Variants in LSM14A observed in about 807,000 individuals in gnomAD.
LSM14A encodes the protein protein LSM14 homolog A.
A neutral mutation model predicts 52.4 loss-of-function variants in LSM14A; 14 were observed. That is an observed-to-expected ratio of 0.27 (90% CI 0.18 to 0.42). The LOEUF is 0.42. LSM14A is among the 10% of genes least tolerant of loss of function. The pLI, the probability that LSM14A is intolerant of heterozygous loss-of-function variation, is 1.00. For missense variants in LSM14A, 417 were observed against 581.8 expected (o/e 0.72, Z 2.91); for synonymous variants, 185 against 200.3 (o/e 0.92, Z 0.64).
At chr19:34,215,069 A>G (rs754597570) in intron 4 of LSM14A, 55 bp from the exon 5 acceptor site, 41 of 1,439,572 alleles carry the variant, frequency 2.8e-5, no homozygotes, top group Middle Eastern at 4.9e-4. Context: ...TTTAGGGTCT[A>G]GATTATTTTG....
intron 6 of LSM14A, among the ~76,000 whole-genome samples, chr19:34,218,735 C>A (rs567813489): frequency 6.6e-6 from 1 of 152,098 alleles, no homozygotes; most frequent in African/African-American, 2.4e-5. Context: ...TTATGATTGG[C>A]TGAAATTTTA....
At chr19:34,204,066 T>C (rs1463711740) in intron 3 of LSM14A, among the ~76,000 whole-genome samples, 1 of 152,176 alleles carries the variant, frequency 6.6e-6, no homozygotes, top group African/African-American at 2.4e-5. Flanking sequence ...CAGGATTTCT[T>C]CCAGAGGTAA....
Position 34,215,645 on chromosome 19 carries a change from TAAC to T in LSM14A, c.768_770del (p.Asn256del). On this transcript the variant is annotated inframe_deletion, in exon 6 of 10. Transcript: ENST00000544216. ...CAGAAAATGAGCAACTCAGAAATGA[TAAC>T]AAGAGACAAGTAGGTAAGTTCTTGG... 1.2e-6 allele frequency: 2 copies of T among 1,612,696 alleles called. No homozygotes were observed. Among genetic ancestry groups the T allele is most frequent in the African/African-American group, 1.3e-5 (1 of 74,958 alleles).
intron 1 of LSM14A, among the ~76,000 whole-genome samples, chr19:34,192,522 G>A (rs1302878966): frequency 2.0e-5 from 3 of 148,178 alleles, no homozygotes; most frequent in Non-Finnish European, 4.5e-5. Context: ...TAGAGATGGG[G>A]TTTCACCATT....
chr19:34,209,717 A>C (rs1036999380), intron 4 of LSM14A, among the ~76,000 whole-genome samples: 1 of 151,772 alleles, frequency 6.6e-6, no homozygotes. Flanking sequence ...TTATTTACTT[A>C]TTAGAGATGA....
In LSM14A at chr19:34,225,943, T is replaced by TC. The variant is rs1446213200; in HGVS notation, c.1369-1419dup. 5.9e-5 allele frequency among the ~76,000 whole-genome samples: 9 copies of TC among 152,052 alleles called. No homozygotes were observed. The East Asian group carries it at 1.7e-3, about 29-fold the overall frequency. On this transcript the variant is annotated intron_variant, in intron 9 of 9. Transcript: ENST00000544216. ...CTGGAGTGGTGGCACATGCCTGTAG[T>TC]CCCAGCTACTCAGGAGGCTAAGGCA...
intron 6 of LSM14A, among the ~76,000 whole-genome samples, chr19:34,218,532 G>T (rs2072840490): frequency 6.6e-6 from 1 of 152,104 alleles, no homozygotes; most frequent in South Asian, 2.1e-4. Context: ...TCTCATCCTT[G>T]TCAGTATGTG....
intron 6 of LSM14A, among the ~76,000 whole-genome samples, 196 bp from the exon 7 acceptor site, chr19:34,219,195 T>G (rs949145324): frequency 6.6e-6 from 1 of 152,200 alleles, no homozygotes; most frequent in African/African-American, 2.4e-5. Flanking sequence ...TGAGCTATTC[T>G]CAGTCTACAT....
intron 1 of LSM14A, 70 bp downstream of exon 1, chr19:34,172,833 C>A: frequency 6.8e-7 from 1 of 1,468,348 alleles, no homozygotes; most frequent in Non-Finnish European, 9.0e-7. Context: ...CGCTCCGGCC[C>A]GCGGCCTCCT....
intron 1 of LSM14A, among the ~76,000 whole-genome samples, chr19:34,189,343 A>C (rs1263229024): frequency 6.6e-6 from 1 of 152,194 alleles, no homozygotes; most frequent in Non-Finnish European, 1.5e-5. Context: ...TGGACCTTCA[A>C]ATCCAATTCA....
intron 1 of LSM14A, among the ~76,000 whole-genome samples, chr19:34,191,793 CTTTA>C (rs1407789614): frequency 2.0e-5 from 3 of 152,250 alleles, no homozygotes; most frequent in Admixed American, 1.3e-4. Context: ...AAGCATGAGA[CTTTA>C]TTTGTTTTGA....
chr19:34,200,336 AAG>A (rs536636885), intron 3 of LSM14A, among the ~76,000 whole-genome samples: 40 of 152,332 alleles, frequency 2.6e-4, no homozygotes, highest in African/African-American at 9.4e-4. Flanking sequence ...AGGGGAGAAA[AAG>A]AAAACTTAAA....
chr19:34,185,617 G>GC (rs1213679826), intron 1 of LSM14A, among the ~76,000 whole-genome samples: 3 of 152,178 alleles, frequency 2.0e-5, no homozygotes, highest in Non-Finnish European at 2.9e-5. Flanking sequence ...CAGGGCCTGA[G>GC]CAAGAGTACT....
At chr19:34,217,984 A>T (rs946474570) in intron 6 of LSM14A, among the ~76,000 whole-genome samples, 4 of 137,254 alleles carry the variant, frequency 2.9e-5, no homozygotes, top group Non-Finnish European at 6.2e-5. Context: ...AGACATCTAT[A>T]CCCAAAACCT....
intron 1 of LSM14A, among the ~76,000 whole-genome samples, chr19:34,191,396 A>G (rs920130896): frequency 8.6e-5 from 13 of 151,958 alleles, no homozygotes; most frequent in Admixed American, 2.6e-4. Flanking sequence ...TAATGGAAAA[A>G]AAAACAAAAT....
chr19:34,202,631 A>G (rs184895310), intron 3 of LSM14A, among the ~76,000 whole-genome samples: 20 of 152,276 alleles, frequency 1.3e-4, no homozygotes, highest in East Asian at 7.7e-4. Flanking sequence ...TGTGAAGAAT[A>G]TATACTCTCA....
chr19:34,218,467 A>T (rs1420149489), intron 6 of LSM14A, among the ~76,000 whole-genome samples: 2 of 152,202 alleles, frequency 1.3e-5, no homozygotes, highest in Non-Finnish European at 2.9e-5. Context: ...AAACCCAGGC[A>T]GTTTGCCAAA....
intron 8 of LSM14A, among the ~76,000 whole-genome samples, chr19:34,220,320 C>A (rs1408986681): frequency 6.6e-6 from 1 of 152,130 alleles, no homozygotes; most frequent in Non-Finnish European, 1.5e-5. Flanking sequence ...CTAAATTATT[C>A]ATTCAAAAGA....
intron 1 of LSM14A, among the ~76,000 whole-genome samples, chr19:34,185,349 G>A (rs1321751281): frequency 6.6e-6 from 1 of 152,174 alleles, no homozygotes; most frequent in African/African-American, 2.4e-5. Flanking sequence ...TGTTAAGTTC[G>A]TAGTGGGTTC....
Sources: allele counts gnomAD v4.1 joint callset (sites outside exome capture counted in the v4.1 genomes callset), GRCh38; gene constraint gnomAD v4.1.1; transcripts MANE v1.5; gene names NCBI Gene and HGNC (gene_info 2026-07-23, HGNC 2026-07-21).